KCNMA1: variants seen among roughly 807,000 people sequenced by gnomAD.
KCNMA1 encodes potassium calcium-activated channel subfamily M alpha 1, also known as Calcium-activated potassium channel subunit alpha-1.
A neutral mutation model predicts 140.0 loss-of-function variants in KCNMA1; 29 were observed. The observed-to-expected ratio is 0.21, with a 90% CI of 0.15 to 0.28. KCNMA1 has a LOEUF of 0.28. KCNMA1 is among the 10% of genes least tolerant of loss of function. The pLI is 1.00. For synonymous variants in KCNMA1, 612 were observed against 611.9 expected (o/e 1.00, Z 0.00); for missense variants, 880 against 1,602.2 (o/e 0.55, Z 7.70).
intron 19 of KCNMA1, among the ~76,000 whole-genome samples, chr10:76,978,004 C>G (rs2078201536): frequency 6.6e-6 from 1 of 152,178 alleles, no homozygotes; most frequent in Non-Finnish European, 1.5e-5. Context: ...TTCAACCTTT[C>G]CCCAGCTAGC....
In KCNMA1 at chr10:77,089,278, A is replaced by C. The variant is rs866995857; in HGVS notation, c.1334+1122T>G. Among the ~76,000 whole-genome samples, 9 of 152,332 alleles carry C rather than the reference A, an allele frequency of 5.9e-5. 1 individual carries two copies. In the Middle Eastern group the frequency reaches 0.02, roughly 345 times the overall value. ...GGGAGTTTGTAGGGAAGCCGACCTC[A>C]GTGGAACCTCAGAGTAGGACCGCGT... is the stretch of plus-strand genomic sequence containing the variant. On this transcript the variant is annotated intron_variant, in intron 10 of 27. Coordinates refer to ENST00000286628, the MANE Select transcript of KCNMA1 (RefSeq NM_001161352.2).
intron 2 of KCNMA1, among the ~76,000 whole-genome samples, chr10:77,294,809 C>A (rs1024591054): frequency 6.6e-6 from 1 of 151,964 alleles, no homozygotes; most frequent in South Asian, 2.1e-4. Context: ...ATCCCCTCTA[C>A]TTGGGAGGCT....
In KCNMA1 at chr10:77,223,231, GA is replaced by G. The variant is rs71028264; in HGVS notation, c.602+27963del. Among the ~76,000 whole-genome samples, 343 of 139,390 alleles carry G rather than the reference GA, an allele frequency of 2.5e-3. 2 individuals carry two copies. The highest frequency in any genetic ancestry group is 6.5e-3 in the African/African-American group (244 of 37,448). 91.4% of individuals were successfully genotyped at this position (139,390 alleles called of 152,430 possible). On this transcript the variant is annotated intron_variant, in intron 3 of 27. Transcript: ENST00000286628. ...GGTGACAGAGCAAGTTTCCATCTCA[GA>G]AAAAAAAAAAAAGAATTTTAATTTG...
At chr10:77,454,978 C>T (rs922820404) in intron 1 of KCNMA1, among the ~76,000 whole-genome samples, 2 of 152,028 alleles carry the variant, frequency 1.3e-5, no homozygotes, top group African/African-American at 4.8e-5. Context: ...GCCACTAGAA[C>T]CCTGGACCCT....
intron 9 of KCNMA1, among the ~76,000 whole-genome samples, chr10:77,104,111 A>T (rs1317448481): frequency 1.3e-5 from 2 of 152,156 alleles, no homozygotes; most frequent in East Asian, 3.9e-4. Flanking sequence ...CAGTTTCTTC[A>T]CTCATTCCAA....
chr10:77,070,453 G>C (rs1283871652), intron 14 of KCNMA1, among the ~76,000 whole-genome samples: 1 of 152,148 alleles, frequency 6.6e-6, no homozygotes, highest in Non-Finnish European at 1.5e-5. Flanking sequence ...CCGGCCTAGG[G>C]GAAGGGAGAG....
intron 5 of KCNMA1, among the ~76,000 whole-genome samples, chr10:77,179,318 T>C (rs529920316): frequency 6.6e-6 from 1 of 152,056 alleles, no homozygotes; most frequent in African/African-American, 2.4e-5. Flanking sequence ...ATATCCGGGG[T>C]GTTCTTAAGC....
chr10:77,387,545 CT>C (rs148154930), intron 2 of KCNMA1, among the ~76,000 whole-genome samples: 1 of 109,594 alleles, frequency 9.1e-6, no homozygotes, highest in African/African-American at 3.9e-5. Flanking sequence ...CTTTTCTTTT[CT>C]TTTCTTTTCT....
intron 17 of KCNMA1, among the ~76,000 whole-genome samples, chr10:77,017,879 A>C (rs1338547381): frequency 2.6e-5 from 4 of 151,938 alleles, no homozygotes; most frequent in Non-Finnish European, 5.9e-5. Flanking sequence ...GGGTTGCGTG[A>C]GAGTTTAACA....
intron 22 of KCNMA1, among the ~76,000 whole-genome samples, chr10:76,946,238 C>CTG (rs1303039505): frequency 5.9e-5 from 9 of 152,166 alleles, no homozygotes; most frequent in African/African-American, 2.2e-4. Context: ...CACCCCATGC[C>CTG]ATAGCTCCCC....
At chr10:76,996,447 C>A (rs2084356277) in intron 19 of KCNMA1, among the ~76,000 whole-genome samples, 1 of 152,116 alleles carries the variant, frequency 6.6e-6, no homozygotes, top group Admixed American at 6.5e-5. Context: ...CAGGGGATGA[C>A]CCAGTGGCTG....
chr10:77,514,598 G>A (rs1375286016), intron 1 of KCNMA1, among the ~76,000 whole-genome samples: 1 of 152,176 alleles, frequency 6.6e-6, no homozygotes, highest in Non-Finnish European at 1.5e-5. Flanking sequence ...CAAGCCAAAG[G>A]GACCCTGTAT....
At chr10:77,634,346 A>G (rs954012129) in intron 1 of KCNMA1, 1 of 985,342 alleles carries the variant, frequency 1.0e-6, no homozygotes, top group Non-Finnish European at 1.2e-6. Context: ...TCACTTTCTG[A>G]AAAAGTCCAC....
In KCNMA1 at chr10:77,184,885, C is replaced by A. The variant is rs1194293523; in HGVS notation, c.634G>T (p.Asp212Tyr). 1 of 1,612,464 alleles carries A rather than the reference C, an allele frequency of 6.2e-7. No homozygotes were observed. Among genetic ancestry groups the A allele is most frequent in the Admixed American group, 1.7e-5 (1 of 60,000 alleles). The change falls in exon 4 of 28, where the codon GAT becomes TAT. Residue 212 changes from aspartate (D) to tyrosine (Y), a missense_variant. Physicochemically the swap from Asp to Tyr is radical, Grantham distance 160 (BLOSUM62 -3). Transcript: ENST00000286628. ...GCCATGTCGATCTGTAATGTGAAAT[C>A]TTTGTAGAAATTCTGGCAGGATTCT... ...PIESCQNFYK[D>Y]FTLQIDMAFN...
chr10:77,213,172 T>A (rs1297865399), intron 3 of KCNMA1, among the ~76,000 whole-genome samples: 1 of 152,194 alleles, frequency 6.6e-6, no homozygotes, highest in East Asian at 1.9e-4. Context: ...AATGATACAA[T>A]TATGATGTAT....
chr10:77,605,555 C>T (rs1432277377), intron 1 of KCNMA1, among the ~76,000 whole-genome samples: 1 of 152,194 alleles, frequency 6.6e-6, no homozygotes, highest in African/African-American at 2.4e-5. Flanking sequence ...GCTGGGTACC[C>T]TCCCTACACA....
chr10:77,476,261 AG>A (rs1024307875), intron 1 of KCNMA1, among the ~76,000 whole-genome samples: 7 of 152,308 alleles, frequency 4.6e-5, no homozygotes, highest in Non-Finnish European at 1.0e-4. Flanking sequence ...CCATCCGCAA[AG>A]GGGACACATT....
At chr10:77,509,458 G>A (rs960226575) in intron 1 of KCNMA1, among the ~76,000 whole-genome samples, 2 of 152,120 alleles carry the variant, frequency 1.3e-5, no homozygotes, top group Non-Finnish European at 2.9e-5. Context: ...TATGAAGATG[G>A]GTTTGCAAAT....
chr10:77,098,680 T>G (rs2097006970), intron 9 of KCNMA1, among the ~76,000 whole-genome samples: 3 of 152,214 alleles, frequency 2.0e-5, no homozygotes, highest in Non-Finnish European at 4.4e-5. Flanking sequence ...ACCTTTACTT[T>G]GGTTTCTCAC....
Sources: allele counts gnomAD v4.1 joint callset (sites outside exome capture counted in the v4.1 genomes callset), GRCh38; gene constraint gnomAD v4.1.1; transcripts MANE v1.5; gene names NCBI Gene and HGNC (gene_info 2026-07-23, HGNC 2026-07-21).